RTRAF: variants seen among roughly 807,000 people sequenced by gnomAD.
RTRAF encodes RNA transcription, translation and transport factor, also known as tRNA-splicing ligase complex subunit RTRAF.
A neutral mutation model predicts 34.4 loss-of-function variants in RTRAF; 14 were observed. That is an observed-to-expected ratio of 0.41 (90% CI 0.27 to 0.64). RTRAF has a LOEUF of 0.64. RTRAF is among the 30% of genes least tolerant of loss of function. The pLI is 0.34. For synonymous variants in RTRAF, 96 were observed against 95.3 expected (o/e 1.01, Z -0.04); for missense variants, 291 against 288.4 (o/e 1.01, Z -0.06).
chr14:52,003,966 C>G, intron 6 of RTRAF: 1 of 542,098 alleles, frequency 1.8e-6, no homozygotes, highest in Non-Finnish European at 3.3e-6. Flanking sequence ...AGCTATAGAG[C>G]TTCCTGGTAC....
Position 52,007,793 on chromosome 14 carries a change from T to G in RTRAF, c.*3277T>G, listed in dbSNP as rs1466682712. ...GTGATGAGAGGTTATCTATTTGCAT[T>G]CCATCAGTAGTATTACCTGCATCTG... On this transcript the variant is annotated 3_prime_UTR_variant, in exon 8 of 8. Transcript: ENST00000261700. 6.2e-7 allele frequency: 1 copy of G among 1,607,158 alleles called. No homozygotes were observed. Among genetic ancestry groups the G allele is most frequent in the Non-Finnish European group, 8.5e-7 (1 of 1,175,924 alleles).
intron 5 of RTRAF, among the ~76,000 whole-genome samples, chr14:52,001,581 G>A (rs1348743765): frequency 1.3e-5 from 2 of 152,118 alleles, no homozygotes; most frequent in Non-Finnish European, 2.9e-5. Context: ...GGTTTTAATT[G>A]TTGCAAGCAC....
chr14:52,001,366 AAGAC>A (rs1890599552), intron 5 of RTRAF, among the ~76,000 whole-genome samples: 1 of 152,210 alleles, frequency 6.6e-6, no homozygotes, highest in Admixed American at 6.5e-5. Flanking sequence ...AGCAAAGTGT[AAGAC>A]AGTATGTATG....
At chr14:51,996,043 C>T (rs1018940226) in intron 3 of RTRAF, among the ~76,000 whole-genome samples, 6 of 151,966 alleles carry the variant, frequency 3.9e-5, no homozygotes, top group East Asian at 1.9e-4. Context: ...TTTTATAACC[C>T]GTTAACCTTC....
chr14:52,010,029 C>T lies in RTRAF; in HGVS notation c.*5513C>T, dbSNP rs1890948659. 6.6e-6 allele frequency: 1 copy of T among 152,046 alleles called. No homozygotes were observed. Among genetic ancestry groups the T allele is most frequent in the South Asian group, 2.1e-4 (1 of 4,818 alleles). 9.4% of individuals were successfully genotyped at this position (152,046 alleles called of 1,614,324 possible). A position where few individuals can be genotyped will look rare whatever the true frequency, so the allele number is the denominator to read the frequency against. On this transcript the variant is annotated 3_prime_UTR_variant, in exon 8 of 8. Coordinates refer to ENST00000261700, the MANE Select transcript of RTRAF (RefSeq NM_016039.3). ...AAGAAAAAAGGACCTTCCAAATGTC[C>T]AAATGTCAGAAAGGCAAGCCTATGC...
chr14:51,998,702 A>T, intron 4 of RTRAF, 122 bp downstream of exon 4: 1 of 523,574 alleles, frequency 1.9e-6, no homozygotes, highest in Non-Finnish European at 3.4e-6. Flanking sequence ...CCATGCAGAC[A>T]GCATTTATGT....
intron 3 of RTRAF, among the ~76,000 whole-genome samples, chr14:51,996,764 T>C (rs1201135426): frequency 1.3e-5 from 2 of 152,016 alleles, no homozygotes; most frequent in African/African-American, 4.8e-5. Flanking sequence ...ATCTTTGATA[T>C]ACTATTATTT....
In RTRAF at chr14:52,008,968, T is replaced by C. The variant is rs1890902703; in HGVS notation, c.*4452T>C. The C allele has an allele frequency of 1.3e-5, 2 of 152,178 alleles. No individual in the cohort carries two copies. Among genetic ancestry groups the C allele is most frequent in the Admixed American group, 6.5e-5 (1 of 15,272 alleles). The allele number at this position is 152,178 out of a possible 1,614,324, so 9.4% of individuals were successfully genotyped here. Reference sequence around the variant, plus strand: ...GAAATATGGTCCTATTAAGTGGAAATAGGTTATAAGGAAACAAACAGGTTT... The same window carrying C: ...GAAATATGGTCCTATTAAGTGGAAACAGGTTATAAGGAAACAAACAGGTTT... On this transcript the variant is annotated 3_prime_UTR_variant, in exon 8 of 8. Transcript: ENST00000261700.
rs1460013086 is a variant in RTRAF at position 52,004,969 on chromosome 14, T to C, written c.*453T>C. The stretch of plus-strand genomic sequence containing the variant: ...TCATTTTAGCACCTTTTGATATAAA[T>C]AGAAATGCACTGATGCAGAGGTAAA... On this transcript the variant is annotated 3_prime_UTR_variant, in exon 8 of 8. Coordinates refer to ENST00000261700, the MANE Select transcript of RTRAF (RefSeq NM_016039.3). 1 of 157,692 alleles carries C rather than the reference T, an allele frequency of 6.3e-6. No individual in the cohort carries two copies. Among genetic ancestry groups the C allele is most frequent in the African/African-American group, 2.4e-5 (1 of 41,640 alleles). The allele number at this position is 157,692 out of a possible 1,614,324, so 9.8% of individuals were successfully genotyped here.
intron 3 of RTRAF, among the ~76,000 whole-genome samples, chr14:51,995,560 C>T (rs555921951): frequency 3.2e-4 from 48 of 152,282 alleles, no homozygotes; most frequent in East Asian, 7.7e-4. Flanking sequence ...GGGATCAGGA[C>T]ATGGACATCT....
rs780806229 is a variant in RTRAF at position 52,005,515 on chromosome 14, G to A, written c.*999G>A. The A allele has an allele frequency of 6.3e-7, 1 of 1,594,122 alleles. No homozygotes were observed. Among genetic ancestry groups the A allele is most frequent in the Admixed American group, 1.8e-5 (1 of 55,768 alleles). Reference sequence around the variant, plus strand: ...TTTCTTCCTGTGAGAGAAGAGCAGGGGTGGGACAGGGTGGTGGGTGAGTAT... The same window carrying A: ...TTTCTTCCTGTGAGAGAAGAGCAGGAGTGGGACAGGGTGGTGGGTGAGTAT... On this transcript the variant is annotated 3_prime_UTR_variant, in exon 8 of 8. Transcript: ENST00000261700.
chr14:52,004,284 C>CTGAATACT, intron 7 of RTRAF, 42 bp downstream of exon 7: 1 of 1,591,910 alleles, frequency 6.3e-7, no homozygotes, highest in South Asian at 1.1e-5. Context: ...TTTTTACAGA[C>CTGAATACT]TGAATACTTG....
rs975218755 is a variant in RTRAF, at chr14:52,009,479, T to TG, written c.*4964dup. Reference sequence around the variant, plus strand: ...GGAGATGTAATTACATGTGTTATATTGCAACCTGGTTCAAGGTGGGTTTTC... The same window carrying TG: ...GGAGATGTAATTACATGTGTTATATTGGCAACCTGGTTCAAGGTGGGTTTTC... On this transcript the variant is annotated 3_prime_UTR_variant, in exon 8 of 8. Transcript: ENST00000261700. 1.3e-5 allele frequency: 2 copies of TG among 152,228 alleles called. No individual in the cohort carries two copies. Among genetic ancestry groups the TG allele is most frequent in the African/African-American group, 4.8e-5 (2 of 41,458 alleles). The allele number at this position is 152,228 out of a possible 1,614,324, so 9.4% of individuals were successfully genotyped here. A position where few individuals can be genotyped will look rare whatever the true frequency, so the allele number is the denominator to read the frequency against.
rs201572293 is a variant in RTRAF at position 52,007,999 on chromosome 14, T to C, written c.*3483T>C. The C allele has an allele frequency of 1.1e-5, 17 of 1,570,338 alleles. No homozygotes were observed. In the Admixed American group the frequency reaches 2.8e-4, roughly 26 times the overall value. On this transcript the variant is annotated 3_prime_UTR_variant, in exon 8 of 8. Transcript: ENST00000261700. ...GTTAAAAATCAAGATTGTAAAAGAA[T>C]AGCCATGTAGCCTGTGGTAGGCAGC...
chr14:51,995,603 A>G (rs1286976567), intron 3 of RTRAF, among the ~76,000 whole-genome samples: 1 of 152,154 alleles, frequency 6.6e-6, no homozygotes, highest in Non-Finnish European at 1.5e-5. Flanking sequence ...TGTCTGTCAC[A>G]GTACCTGACA....
intron 1 of RTRAF, 123 bp downstream of exon 1, chr14:51,989,823 G>C: frequency 1.0e-6 from 1 of 990,008 alleles, no homozygotes; most frequent in Non-Finnish European, 1.5e-6. Flanking sequence ...GCAGCCTCCG[G>C]GCCCCTCTCC....
intron 3 of RTRAF, among the ~76,000 whole-genome samples, chr14:51,994,203 C>G (rs1474413681): frequency 6.6e-6 from 1 of 152,206 alleles, no homozygotes; most frequent in Non-Finnish European, 1.5e-5. Flanking sequence ...CATTAATACT[C>G]TATAGGCCAG....
chr14:52,008,095 C>T lies in RTRAF; in HGVS notation c.*3579C>T, dbSNP rs889391398. On this transcript the variant is annotated 3_prime_UTR_variant, in exon 8 of 8. Transcript: ENST00000261700. Reference sequence around the variant, plus strand: ...CTTAAGCAATCCCCTTGAGTTTGGGCTGCATTAGTAGTGTCTTGCTTCTTC... The same window carrying T: ...CTTAAGCAATCCCCTTGAGTTTGGGTTGCATTAGTAGTGTCTTGCTTCTTC... 28 of 686,728 alleles carry T rather than the reference C, an allele frequency of 4.1e-5. No individual in the cohort carries two copies. In the Admixed American group the frequency reaches 7.1e-4, roughly 17 times the overall value. The allele number at this position is 686,728 out of a possible 1,614,324, so 42.5% of individuals were successfully genotyped here. A position where few individuals can be genotyped will look rare whatever the true frequency, so the allele number is the denominator to read the frequency against.
In RTRAF at chr14:52,005,755, A is replaced by G. The variant is rs146470342; in HGVS notation, c.*1239A>G. On this transcript the variant is annotated 3_prime_UTR_variant, in exon 8 of 8. Coordinates refer to ENST00000261700, the MANE Select transcript of RTRAF (RefSeq NM_016039.3). ...TTTTTACCTGTTGGGCAGTAGGGGTAGACTGCAGTTATCCCGTAGAGGTGA... is the reference window on the plus strand; with the variant it reads ...TTTTTACCTGTTGGGCAGTAGGGGTGGACTGCAGTTATCCCGTAGAGGTGA... The G allele has an allele frequency of 5.8e-5, 94 of 1,612,820 alleles. No homozygotes were observed. In the African/African-American group the frequency reaches 1.2e-3, roughly 21 times the overall value.
Sources: gnomAD v4.1 joint callset for allele counts (sites outside exome capture counted in the v4.1 genomes callset) on GRCh38, gnomAD v4.1.1 for gene constraint, MANE v1.5 for transcripts, NCBI Gene and HGNC (gene_info 2026-07-23, HGNC 2026-07-21) for gene names.